GPD1L: variants seen among roughly 807,000 people sequenced by gnomAD.
GPD1L encodes glycerol-3-phosphate dehydrogenase 1-like protein.
A neutral mutation model predicts 32.9 loss-of-function variants in GPD1L; 17 were observed. The ratio of observed to expected loss-of-function variants is 0.52; its 90% CI spans 0.35 to 0.78. The LOEUF (loss-of-function observed/expected upper bound fraction) is 0.78. Ranked by LOEUF, GPD1L falls within the 30% of genes least tolerant of loss-of-function variation. The pLI is 0.01. For synonymous variants in GPD1L, 187 were observed against 165.9 expected (o/e 1.13, Z -0.98); for missense variants, 361 against 447.8 (o/e 0.81, Z 1.75).
intron 1 of GPD1L, among the ~76,000 whole-genome samples, chr3:32,121,711 C>CTA (rs1399393581): frequency 2.4e-5 from 3 of 123,468 alleles, no homozygotes; most frequent in African/African-American, 3.1e-5. Flanking sequence ...ATATATATTT[C>CTA]TACATATATT....
chr3:32,151,177 A>G, intron 5 of GPD1L: 1 of 567,774 alleles, frequency 1.8e-6, no homozygotes, highest in Non-Finnish European at 3.4e-6. Context: ...GCAGGCTGGT[A>G]CTTCAGTCTA....
chr3:32,106,715 G>A lies in GPD1L; in HGVS notation c.4G>A (p.Ala2Thr), dbSNP rs1700170237. Residue 2 changes from alanine to threonine, a missense_variant, in exon 1 of 8, where the codon GCA becomes ACA. Ala to Thr is a moderately conservative substitution (Grantham distance 58, BLOSUM62 0). Transcript: ENST00000282541. The surrounding 1 kb of genome is among the most constrained non-coding windows in gnomAD (Gnocchi z 4.0). ...GGCGGCTACATTCGGCCCGGCCATGGCAGCGGCGCCCCTGAAAGTGTGCAT... is the reference window on the plus strand; with the variant it reads ...GGCGGCTACATTCGGCCCGGCCATGACAGCGGCGCCCCTGAAAGTGTGCAT... M[A>T]AAPLKVCIVG... The A allele has an allele frequency of 6.4e-7, 1 of 1,563,260 alleles. No homozygotes were observed. Among genetic ancestry groups the A allele is most frequent in the African/African-American group, 1.4e-5 (1 of 70,800 alleles).
intron 4 of GPD1L, among the ~76,000 whole-genome samples, chr3:32,143,279 A>G (rs1369454876): frequency 6.6e-6 from 1 of 152,154 alleles, no homozygotes; most frequent in Non-Finnish European, 1.5e-5. Context: ...TATAACCTGA[A>G]TTAATTAATT....
intron 1 of GPD1L, among the ~76,000 whole-genome samples, chr3:32,108,740 C>G (rs1700201180): frequency 6.6e-6 from 1 of 152,330 alleles, no homozygotes; most frequent in Admixed American, 6.5e-5. Flanking sequence ...TTTCTGTGAG[C>G]TGCATTTTTC....
At chr3:32,165,233 T>C (rs1701129462) in intron 7 of GPD1L, among the ~76,000 whole-genome samples, 1 of 152,132 alleles carries the variant, frequency 6.6e-6, no homozygotes. Flanking sequence ...AAAAAAAGCC[T>C]GATGAAATTA....
chr3:32,111,867 T>C (rs1390004667), intron 1 of GPD1L, among the ~76,000 whole-genome samples: 2 of 151,974 alleles, frequency 1.3e-5, no homozygotes, highest in African/African-American at 4.8e-5. Flanking sequence ...ATCCTGGCTG[T>C]TCATCCGCCC....
intron 1 of GPD1L, among the ~76,000 whole-genome samples, chr3:32,124,799 C>T (rs1018109660): frequency 6.6e-6 from 1 of 152,118 alleles, no homozygotes; most frequent in South Asian, 2.1e-4. Context: ...CGTGGTGGCA[C>T]ACATGTAGTC....
intron 1 of GPD1L, among the ~76,000 whole-genome samples, chr3:32,114,555 C>T (rs1700299950): frequency 6.6e-6 from 1 of 152,196 alleles, no homozygotes; most frequent in South Asian, 2.1e-4. Flanking sequence ...GATCTCTTCT[C>T]CTTATATTTA....
At chr3:32,128,306 C>A in intron 2 of GPD1L, 53 bp downstream of exon 2, 1 of 1,438,744 alleles carries the variant, frequency 7.0e-7, no homozygotes, top group Non-Finnish European at 9.8e-7. Context: ...TTGTGCTTGG[C>A]TGAGCAGCAC....
rs1376727184 is a variant in GPD1L at position 32,146,663 on chromosome 3, C to G, written c.547C>G (p.Leu183Val). ...MENGLLFKEL[L>V]QTPNFRITVV... is the part of the protein sequence containing the mutation. Reference sequence around the variant, plus strand: ...GAACGGCCTTCTCTTCAAAGAACTTCTGCAGACTCCAAATTTTCGAATTAC... The same window carrying G: ...GAACGGCCTTCTCTTCAAAGAACTTGTGCAGACTCCAAATTTTCGAATTAC... Residue 183 changes from leucine to valine, a missense_variant, in exon 5 of 8, where the codon CTG becomes GTG. Transcript: ENST00000282541. The G allele has an allele frequency of 5.7e-5, 92 of 1,613,492 alleles. No homozygotes were observed. Among genetic ancestry groups the G allele is most frequent in the Non-Finnish European group, 7.7e-5 (91 of 1,179,530 alleles).
rs762262112 is a variant in GPD1L at position 32,138,695 on chromosome 3, C to T, written c.334C>T (p.Pro112Ser). Reference protein sequence around the residue: ...RICDEITGRVPKKALGITLIK... With the variant: ...RICDEITGRVSKKALGITLIK... Reference sequence around the variant, plus strand: ...CTGTGATGAGATCACTGGGAGAGTGCCCAAGAAAGCGCTGGGAATCACCCT... The same window carrying T: ...CTGTGATGAGATCACTGGGAGAGTGTCCAAGAAAGCGCTGGGAATCACCCT... Residue 112 changes from proline to serine, a missense_variant, in exon 3 of 8, where the codon CCC (proline) becomes TCC (serine). Transcript: ENST00000282541. 6 of 1,613,848 alleles carry T rather than the reference C, an allele frequency of 3.7e-6. No individual in the cohort carries two copies. The highest frequency in any genetic ancestry group is 5.1e-6 in the Non-Finnish European group (6 of 1,179,918).
chr3:32,129,386 G>A (rs928418953), intron 2 of GPD1L, among the ~76,000 whole-genome samples: 3 of 152,164 alleles, frequency 2.0e-5, no homozygotes, highest in Non-Finnish European at 4.4e-5. Flanking sequence ...TAAATGTGGG[G>A]AAGTTTTAGT....
chr3:32,106,816 C>G lies in GPD1L; in HGVS notation c.47+58C>G. Reference sequence around the variant, plus strand: ...GCTTCCAGGAAGCGCCTCTCCCGGGCGGTGAGGGCTGCGCGCCCCATGCTG... The same window carrying G: ...GCTTCCAGGAAGCGCCTCTCCCGGGGGGTGAGGGCTGCGCGCCCCATGCTG... On this transcript the variant is annotated intron_variant, in intron 1 of 7. Transcript: ENST00000282541. This position sits in a 1 kb window ranked among gnomAD's most constrained non-coding sequence, Gnocchi z 4.0. 1 of 1,495,516 alleles carries G rather than the reference C, an allele frequency of 6.7e-7. No individual in the cohort carries two copies. 92.6% of individuals were successfully genotyped at this position (1,495,516 alleles called of 1,614,324 possible). A position where few individuals can be genotyped will look rare whatever the true frequency, so the allele number is the denominator to read the frequency against.
chr3:32,119,121 G>A (rs769193284), intron 1 of GPD1L, among the ~76,000 whole-genome samples: 1 of 152,028 alleles, frequency 6.6e-6, no homozygotes, highest in Non-Finnish European at 1.5e-5. Flanking sequence ...AATTCTTTGG[G>A]GTATATACCC....
At chr3:32,125,084 A>G (rs1354844338) in intron 1 of GPD1L, among the ~76,000 whole-genome samples, 3 of 152,246 alleles carry the variant, frequency 2.0e-5, no homozygotes, top group Non-Finnish European at 4.4e-5. Context: ...GCCTTAAGGT[A>G]CTAGGATCAT....
chr3:32,112,017 A>G (rs939842760), intron 1 of GPD1L, among the ~76,000 whole-genome samples: 5 of 152,162 alleles, frequency 3.3e-5, no homozygotes, highest in African/African-American at 1.2e-4. Context: ...GCACGGACAC[A>G]CTTCTGCCTT....
chr3:32,142,035 A>T (rs1238250763), intron 4 of GPD1L, among the ~76,000 whole-genome samples: 2 of 152,162 alleles, frequency 1.3e-5, no homozygotes, highest in African/African-American at 4.8e-5. Flanking sequence ...TGTAAGTGAG[A>T]ACATGCAGTA....
chr3:32,115,065 C>G (rs1157954892), intron 1 of GPD1L, among the ~76,000 whole-genome samples: 1 of 152,260 alleles, frequency 6.6e-6, no homozygotes, highest in Non-Finnish European at 1.5e-5. Flanking sequence ...CCGGTTGCCA[C>G]CACTGGCTGG....
intron 1 of GPD1L, among the ~76,000 whole-genome samples, chr3:32,113,967 C>G (rs1360472185): frequency 1.3e-5 from 2 of 152,152 alleles, no homozygotes; most frequent in African/African-American, 4.8e-5. Context: ...AATCCTCCCA[C>G]CTTAACCTCC....
Sources: allele counts gnomAD v4.1 joint callset (sites outside exome capture counted in the v4.1 genomes callset), GRCh38; gene constraint gnomAD v4.1.1; non-coding constraint Gnocchi (gnomAD v3.1); transcripts MANE v1.5; gene names NCBI Gene and HGNC (gene_info 2026-07-23, HGNC 2026-07-21).